Variants in PEAK3 observed in about 807,000 individuals in gnomAD.
PEAK3 encodes the protein protein PEAK3.
In PEAK3, 15 loss-of-function variants were observed where a neutral mutation model predicts 13.3. The ratio of observed to expected loss-of-function variants is 1.13; its 90% CI spans 0.75 to 1.73. The LOEUF is 1.73. Ranked by LOEUF, PEAK3 falls within the 40% of genes most tolerant of loss-of-function variation. The probability of loss-of-function intolerance (pLI) is 0.00; values close to 1 mark genes in which losing one functional copy is unlikely to be tolerated. For missense variants in PEAK3, 739 were observed against 690.2 expected, an observed-to-expected ratio of 1.07 and a Z score of -0.79; for synonymous variants, 347 against 341.9, an observed-to-expected ratio of 1.01 and a Z score of -0.17.
intron 2 of PEAK3, among the ~76,000 whole-genome samples, chr19:2,280,099 G>A (rs1205918024): frequency 9.2e-6 from 1 of 108,190 alleles, no homozygotes; most frequent in East Asian, 3.1e-4. Flanking sequence ...GTCTCCCTCT[G>A]TCGCCCAGGC....
chr19:2,275,703 C>A lies in PEAK3; in HGVS notation c.1399G>T (p.Ala467Ser). 6.5e-7 allele frequency: 1 copy of A among 1,528,006 alleles called. No homozygotes were observed. Among genetic ancestry groups the A allele is most frequent in the Admixed American group, 2.0e-5 (1 of 50,390 alleles). The allele number at this position is 1,528,006 out of a possible 1,614,324, so 94.7% of individuals were successfully genotyped here. ...GGTCAGTCCCACAGCAGCGCCAGGG[C>A]CTGGCCCATCGAGGACTCGGTGGCC... ...AEATESSMGQ[A>S]LALLWD is the part of the protein sequence containing the mutation. Residue 467 changes from alanine to serine, a missense_variant, in exon 4 of 4, where the codon GCC becomes TCC. Transcript: ENST00000342063.
At chr19:2,279,439 G>A (rs1430213657) in intron 2 of PEAK3, among the ~76,000 whole-genome samples, 3 of 152,088 alleles carry the variant, frequency 2.0e-5, no homozygotes, top group East Asian at 1.9e-4. Context: ...GGTGGATCAC[G>A]AGGTCAGGAG....
chr19:2,276,457 C>T lies in PEAK3; in HGVS notation c.645G>A (p.Pro215=), dbSNP rs1340419760. 2 of 1,572,886 alleles carry T rather than the reference C, an allele frequency of 1.3e-6. No homozygotes were observed. The highest frequency in any genetic ancestry group is 1.4e-5 in the African/African-American group (1 of 74,040). ...VPKPGADVPH[P]WGLELQASLS... ...GGGAGGCCTGCAGCTCCAGGCCCCA[C>T]GGGTGGGGCACGTCCGCCCCGGGCT... The change falls in exon 4 of 4, where the codon CCG becomes CCA. Residue 215 remains proline, a synonymous_variant. Coordinates refer to ENST00000342063, the MANE Select transcript of PEAK3 (RefSeq NM_198532.3).
intron 1 of PEAK3, 147 bp from the exon 2 acceptor site, chr19:2,281,082 C>G (rs1247510468): frequency 5.3e-6 from 3 of 564,722 alleles, no homozygotes; most frequent in African/African-American, 2.0e-5. Flanking sequence ...CACCCACACT[C>G]CACTCCCTTG....
At position 2,278,567 on chromosome 19, in the gene PEAK3, G is replaced by A. The variant is rs1599158494; in HGVS notation, c.612+17C>T. Reference sequence around the variant, plus strand: ...GCACTGGGGACACCTCAGAGAGGGTGGGGCTGTGGGGCTCACCTTGGCGAC... The same window carrying A: ...GCACTGGGGACACCTCAGAGAGGGTAGGGCTGTGGGGCTCACCTTGGCGAC... On this transcript the variant is annotated intron_variant, in intron 3 of 3. Coordinates refer to ENST00000342063, the MANE Select transcript of PEAK3 (RefSeq NM_198532.3). The A allele has an allele frequency of 1.4e-6, 2 of 1,474,198 alleles. No homozygotes were observed. Among genetic ancestry groups the A allele is most frequent in the Non-Finnish European group, 1.8e-6 (2 of 1,114,396 alleles). The allele number at this position is 1,474,198 out of a possible 1,614,324, so 91.3% of individuals were successfully genotyped here.
Position 2,275,823 on chromosome 19 carries a change from G to C in PEAK3, c.1279C>G (p.Arg427Gly). ...AGGCGCAGGACCAGCAGCCCGCGGC[G>C]CACCCGCAGCCAGGGCCCGAGCGCT... ...LRALGPWLRV[R>G]RGLLVLRLAE... Residue 427 changes from arginine (R) to glycine (G), a missense_variant, in exon 4 of 4, where the codon CGC (arginine) becomes GGC (glycine). Transcript: ENST00000342063. 6.6e-7 allele frequency: 1 copy of C among 1,518,054 alleles called. No homozygotes were observed. Among genetic ancestry groups the C allele is most frequent in the Non-Finnish European group, 8.8e-7 (1 of 1,139,096 alleles). 94.0% of individuals were successfully genotyped at this position (1,518,054 alleles called of 1,614,324 possible).
At chr19:2,279,259 C>A in intron 2 of PEAK3, 146 bp from the exon 3 acceptor site, 1 of 640,226 alleles carries the variant, frequency 1.6e-6, no homozygotes, top group African/African-American at 1.9e-5. Context: ...AATCCCAGCA[C>A]TTAGGAAGGT....
Position 2,278,587 on chromosome 19 carries a change from G to A in PEAK3, c.609C>T (p.Ala203=). The A allele has an allele frequency of 6.8e-7, 1 of 1,479,602 alleles. No homozygotes were observed. The highest frequency in any genetic ancestry group is 9.0e-7 in the Non-Finnish European group (1 of 1,115,846). 91.7% of individuals were successfully genotyped at this position (1,479,602 alleles called of 1,614,324 possible). The part of the protein sequence containing the change: ...AHEDAWHILV[A]KVPKPGADVP... ...AGGGTGGGGCTGTGGGGCTCACCTT[G>A]GCGACCAGGATGTGCCAGGCGTCCT... Residue 203 remains alanine, a synonymous_variant, in exon 3 of 4, where the codon GCC becomes GCT. Transcript: ENST00000342063.
At chr19:2,277,888 G>A (rs2025404851) in intron 3 of PEAK3, among the ~76,000 whole-genome samples, 2 of 147,354 alleles carry the variant, frequency 1.4e-5, no homozygotes, top group South Asian at 2.1e-4. Flanking sequence ...TTTTTAGACG[G>A]AGTCTCGCTC....
Position 2,275,937 on chromosome 19 carries a change from A to G in PEAK3, c.1165T>C (p.Ser389Pro). 7.2e-7 allele frequency: 1 copy of G among 1,383,974 alleles called. No homozygotes were observed. The highest frequency in any genetic ancestry group is 9.3e-7 in the Non-Finnish European group (1 of 1,076,718). The allele number at this position is 1,383,974 out of a possible 1,614,324, so 85.7% of individuals were successfully genotyped here. ...GCCTGCAGCGCGCCCCGCGTCCGGG[A>G]CGCCGAGGGCCGCAAGCGGGTCAGC... ...AQLTRLRPSASRTRGALQALL... is the reference protein window; with the variant it reads ...AQLTRLRPSAPRTRGALQALL... The change falls in exon 4 of 4, where the codon TCC becomes CCC. Residue 389 changes from serine (S) to proline (P), a missense_variant. Ser to Pro is a moderately conservative substitution (Grantham distance 74). Coordinates refer to ENST00000342063, the MANE Select transcript of PEAK3 (RefSeq NM_198532.3).
chr19:2,280,849 C>A lies in PEAK3; in HGVS notation c.82+1G>T. 1.2e-6 allele frequency: 2 copies of A among 1,607,334 alleles called. No homozygotes were observed. The highest frequency in any genetic ancestry group is 1.7e-6 in the Non-Finnish European group (2 of 1,177,000). On this transcript the variant is annotated splice_donor_variant, in intron 2 of 3. Transcript: ENST00000342063. LOFTEE classifies it high-confidence loss of function. ...CCAGGGCTCCCTGGGGAGCTGCTTA[C>A]CAAGGTTGCTATACGTGGGCTGAGT...
rs2025382077 is a variant in PEAK3, at chr19:2,275,988, C to T, written c.1114G>A (p.Ala372Thr). ...TGTGCTGCCAGGAGCTCCAGGCCCG[C>T]GGCCAAAGGCGTGGTCGAGGGCGCA... ...LAAPSTTPLA[A>T]GLELLAAQLT... The change falls in exon 4 of 4, where the codon GCG becomes ACG. Residue 372 changes from alanine to threonine, a missense_variant. Transcript: ENST00000342063. 2.1e-6 allele frequency: 3 copies of T among 1,411,212 alleles called. No individual in the cohort carries two copies. Among genetic ancestry groups the T allele is most frequent in the Middle Eastern group, 2.5e-4 (1 of 3,958 alleles). The allele number at this position is 1,411,212 out of a possible 1,614,324, so 87.4% of individuals were successfully genotyped here. A position where few individuals can be genotyped will look rare whatever the true frequency, so the allele number is the denominator to read the frequency against.
Position 2,276,010 on chromosome 19 carries a change from C to T in PEAK3, c.1092G>A (p.Ala364=), listed in dbSNP as rs1281114393. 2.4e-5 allele frequency: 34 copies of T among 1,414,280 alleles called. No individual in the cohort carries two copies. In the South Asian group the frequency reaches 4.4e-4, roughly 18 times the overall value. The allele number at this position is 1,414,280 out of a possible 1,614,324, so 87.6% of individuals were successfully genotyped here. A position where few individuals can be genotyped will look rare whatever the true frequency, so the allele number is the denominator to read the frequency against. Residue 364 remains alanine, a synonymous_variant, in exon 4 of 4, where the codon GCG becomes GCA. Coordinates refer to ENST00000342063, the MANE Select transcript of PEAK3 (RefSeq NM_198532.3). ...SLLRALLSLA[A]PSTTPLAAGL... is the part of the protein sequence containing the mutation. Reference sequence around the variant, plus strand: ...CCGCGGCCAAAGGCGTGGTCGAGGGCGCAGCAAGGCTGAGCAGCGCTCGGA... The same window carrying T: ...CCGCGGCCAAAGGCGTGGTCGAGGGTGCAGCAAGGCTGAGCAGCGCTCGGA...
rs75893730 is a variant in PEAK3, at chr19:2,278,629, G to C, written c.567C>G (p.Arg189=). The change falls in exon 3 of 4, where the codon CGC becomes CGG. Residue 189 remains arginine (R), a synonymous_variant. Coordinates refer to ENST00000342063, the MANE Select transcript of PEAK3 (RefSeq NM_198532.3). ...CAESGDALYY[R]VVRAHEDAWH... is the part of the protein sequence containing the mutation. ...AGGCGTCCTCGTGCGCGCGCACCAC[G>C]CGGTAATACAGGGCGTCCCCGCTCT... The C allele has an allele frequency of 6.7e-7, 1 of 1,499,666 alleles. No individual in the cohort carries two copies. The highest frequency in any genetic ancestry group is 2.3e-5 in the East Asian group (1 of 43,216). 92.9% of individuals were successfully genotyped at this position (1,499,666 alleles called of 1,614,324 possible).
intron 3 of PEAK3, among the ~76,000 whole-genome samples, chr19:2,277,657 C>G (rs1010235667): frequency 1.3e-5 from 2 of 151,852 alleles, no homozygotes; most frequent in East Asian, 3.9e-4. Flanking sequence ...ACCTCCGCCT[C>G]CCAGGTTCAA....
intron 3 of PEAK3, 114 bp downstream of exon 3, chr19:2,278,469 TC>T: frequency 8.2e-7 from 1 of 1,213,156 alleles, no homozygotes; most frequent in Non-Finnish European, 1.1e-6. Context: ...CTCCAGTATT[TC>T]TTTACAGCAG....
chr19:2,280,986 G>A (rs1357062524), intron 1 of PEAK3, 51 bp from the exon 2 acceptor site: 16 of 1,214,272 alleles, frequency 1.3e-5, no homozygotes, highest in Non-Finnish European at 1.6e-5. Context: ...TGCACGCACA[G>A]GGCGACATGG....
intron 2 of PEAK3, among the ~76,000 whole-genome samples, chr19:2,280,609 C>T (rs952125256): frequency 1.3e-5 from 2 of 152,144 alleles, no homozygotes; most frequent in African/African-American, 4.8e-5. Flanking sequence ...CTCAGCCTCC[C>T]AAGGTGCTGG....
At position 2,280,864 on chromosome 19, in the gene PEAK3, G is replaced by A. The variant is rs141253643; in HGVS notation, c.68C>T (p.Thr23Met). The A allele has an allele frequency of 5.8e-5, 94 of 1,607,020 alleles. No homozygotes were observed. In the African/African-American group the frequency reaches 6.1e-4, roughly 10 times the overall value. Residue 23 changes from threonine (T) to methionine (M), a missense_variant, in exon 2 of 4, where the codon ACG (threonine) becomes ATG (methionine). Coordinates refer to ENST00000342063, the MANE Select transcript of PEAK3 (RefSeq NM_198532.3). ...GAGCTGCTTACCAAGGTTGCTATAC[G>A]TGGGCTGAGTCGACCAGGTGGGGTT... ...PDNPTWSTQP[T>M]YSNLGQIRAH...
Sources: allele counts gnomAD v4.1 joint callset (sites outside exome capture counted in the v4.1 genomes callset), GRCh38; gene constraint gnomAD v4.1.1; transcripts MANE v1.5; gene names NCBI Gene and HGNC (gene_info 2026-07-23, HGNC 2026-07-21).